Variants in SHANK2 observed in about 807,000 individuals in gnomAD.
SHANK2 encodes the protein SH3 and multiple ankyrin repeat domains protein 2.
Under a neutral mutation model 133.7 loss-of-function variants are expected in SHANK2, and 43 were observed. The ratio of observed to expected loss-of-function variants is 0.32; its 90% CI spans 0.25 to 0.41. The LOEUF is 0.41. SHANK2 is among the 10% of genes least tolerant of loss of function. The probability of loss-of-function intolerance (pLI) is 1.00; values close to 1 mark genes in which losing one functional copy is unlikely to be tolerated. For synonymous variants in SHANK2, 1,017 were observed against 952.8 expected, an observed-to-expected ratio of 1.07 and a Z score of -1.24; for missense variants, 1,994 against 2,235.8, an observed-to-expected ratio of 0.89 and a Z score of 2.18.
chr11:71,118,744 C>G, intron 4 of SHANK2, 85 bp downstream of exon 4: 1 of 1,186,220 alleles, frequency 8.4e-7, no homozygotes, highest in Non-Finnish European at 1.2e-6. Flanking sequence ...GAATTGGTCT[C>G]GCCCCACCAC....
At chr11:71,101,223 A>C (rs1951711964) in intron 6 of SHANK2, among the ~76,000 whole-genome samples, 1 of 152,172 alleles carries the variant, frequency 6.6e-6, no homozygotes, top group Non-Finnish European at 1.5e-5. Context: ...CCCGACCCCA[A>C]GACAGGCTCC....
intron 5 of SHANK2, among the ~76,000 whole-genome samples, chr11:71,111,370 G>A (rs1255172597): frequency 1.3e-5 from 2 of 152,354 alleles, no homozygotes; most frequent in East Asian, 1.9e-4. Context: ...GTGGCTCAAG[G>A]TGAAGTGCGG....
At chr11:70,539,626 C>G (rs1422267664) in intron 17 of SHANK2, among the ~76,000 whole-genome samples, 2 of 129,376 alleles carry the variant, frequency 1.5e-5, no homozygotes, top group African/African-American at 5.4e-5. Context: ...CTCCGGCGCT[C>G]TTATCTACCC....
intron 3 of SHANK2, among the ~76,000 whole-genome samples, chr11:71,124,418 A>G (rs1952143233): frequency 1.3e-5 from 2 of 151,212 alleles, no homozygotes; most frequent in Non-Finnish European, 2.9e-5. Flanking sequence ...AGTGATAATG[A>G]TAACCATGAC....
At chr11:70,923,297 T>C (rs1395803540) in intron 10 of SHANK2, among the ~76,000 whole-genome samples, 5 of 152,106 alleles carry the variant, frequency 3.3e-5, no homozygotes, top group East Asian at 1.9e-4. Flanking sequence ...GGCTGGAATG[T>C]AGTGGTGTGA....
intron 17 of SHANK2, among the ~76,000 whole-genome samples, chr11:70,600,550 G>C (rs1381456672): frequency 3.9e-5 from 6 of 152,126 alleles, no homozygotes; most frequent in Non-Finnish European, 5.9e-5. Context: ...GGGTGGGTTG[G>C]GGGTGAAGGG....
Position 70,599,889 on chromosome 11 carries a change from AAAAG to A in SHANK2, c.2061+59935_2061+59938del, listed in dbSNP as rs375345496. 1.1e-3 allele frequency among the ~76,000 whole-genome samples: 84 copies of A among 73,672 alleles called. 5 individuals carry two copies. The highest frequency in any genetic ancestry group is 8.8e-3 in the East Asian group (17 of 1,940). 48.3% of individuals were successfully genotyped at this position (73,672 alleles called of 152,430 possible). A position where few individuals can be genotyped will look rare whatever the true frequency, so the allele number is the denominator to read the frequency against. ...AAAGAAAGAAAGAAAGAAAGAAAGA[AAAAG>A]AAAGAAAGAAAGAGAAAGAAAGAAA... On this transcript the variant is annotated intron_variant, in intron 17 of 25. Transcript: ENST00000601538.
intron 17 of SHANK2, among the ~76,000 whole-genome samples, chr11:70,632,367 C>T (rs1487151418): frequency 3.3e-5 from 5 of 152,108 alleles, no homozygotes; most frequent in African/African-American, 1.2e-4. Context: ...CCTCGTGATC[C>T]GCCCGCCTCA....
chr11:71,174,362 C>T (rs553056049), intron 2 of SHANK2, among the ~76,000 whole-genome samples: 49 of 152,016 alleles, frequency 3.2e-4, no homozygotes, highest in African/African-American at 1.2e-3. Context: ...AACAGGGCAA[C>T]GTTGTGAGAC....
At chr11:70,930,573 C>T (rs980671979) in intron 10 of SHANK2, among the ~76,000 whole-genome samples, 37 of 152,074 alleles carry the variant, frequency 2.4e-4, no homozygotes, top group Non-Finnish European at 4.6e-4. Context: ...ACTCTCAAGT[C>T]ACTGCCACAT....
intron 6 of SHANK2, among the ~76,000 whole-genome samples, chr11:71,098,834 C>G (rs1951671080): frequency 6.6e-6 from 1 of 152,140 alleles, no homozygotes; most frequent in Admixed American, 6.5e-5. Context: ...GCACCACCCC[C>G]CACCCCGATC....
intron 15 of SHANK2, among the ~76,000 whole-genome samples, chr11:70,680,553 C>A (rs1819044439): frequency 1.3e-5 from 2 of 152,204 alleles, no homozygotes. Flanking sequence ...TGTGATGGCA[C>A]AGGGCCCACC....
rs545866504 is a variant in SHANK2 at position 70,839,430 on chromosome 11, C to T, written c.1175-18748G>A. On this transcript the variant is annotated intron_variant, in intron 11 of 25. Transcript: ENST00000601538. ...CCCAGGTCTGGAGGCAACACACACC[C>T]CCCTGGTAGAGAGGGCGGGTACGTC... Among the ~76,000 whole-genome samples the T allele has an allele frequency of 8.7e-4, 133 of 152,300 alleles. 1 individual carries two copies. Among genetic ancestry groups the T allele is most frequent in the African/African-American group, 2.9e-3 (121 of 41,570 alleles).
Position 70,580,660 on chromosome 11 carries a change from G to A in SHANK2, c.2062-77729C>T, listed in dbSNP as rs782705117. Among the ~76,000 whole-genome samples, 26 of 152,322 alleles carry A rather than the reference G, an allele frequency of 1.7e-4. No homozygotes were observed. In the East Asian group the frequency reaches 3.9e-3, roughly 23 times the overall value. ...ACAGCGCCGTGGCACTGGCTCAGCG[G>A]TTACAGGAGCCACTTCCTCCCACTC... is the stretch of plus-strand genomic sequence containing the variant. On this transcript the variant is annotated intron_variant, in intron 17 of 25. Transcript: ENST00000601538.
At chr11:70,759,346 G>T (rs144834893) in intron 14 of SHANK2, among the ~76,000 whole-genome samples, 34 of 151,866 alleles carry the variant, frequency 2.2e-4, no homozygotes, top group Non-Finnish European at 1.0e-4. Flanking sequence ...TTAGCCGGGC[G>T]TGGTGGCAGG....
At chr11:70,932,021 C>A (rs912896183) in intron 10 of SHANK2, among the ~76,000 whole-genome samples, 4 of 152,208 alleles carry the variant, frequency 2.6e-5, no homozygotes, top group Non-Finnish European at 4.4e-5. Flanking sequence ...TAAGCCCACT[C>A]TAAACTTCTT....
rs1184664400 is a variant in SHANK2 at position 70,569,116 on chromosome 11, C to T, written c.2062-66185G>A. ...GGAAAGCGAATCTGCCTTGACTTGT[C>T]CTGGATTCTGCAGGAAGGCCCCACC... On this transcript the variant is annotated intron_variant, in intron 17 of 25. Transcript: ENST00000601538. This position sits in a 1 kb window ranked among gnomAD's most constrained non-coding sequence, Gnocchi z 5.1. Among the ~76,000 whole-genome samples the T allele has an allele frequency of 4.6e-5, 7 of 152,208 alleles. No individual in the cohort carries two copies. Among genetic ancestry groups the T allele is most frequent in the Admixed American group, 1.3e-4 (2 of 15,284 alleles).
chr11:70,863,408 A>T (rs903199895), intron 11 of SHANK2: 4 of 457,814 alleles, frequency 8.7e-6, no homozygotes, highest in Non-Finnish European at 1.8e-5. Flanking sequence ...ACGAGCCCCA[A>T]GCATCCTCTG....
chr11:70,518,294 G>A (rs1215443214), intron 17 of SHANK2, among the ~76,000 whole-genome samples: 1 of 152,160 alleles, frequency 6.6e-6, no homozygotes, highest in Non-Finnish European at 1.5e-5. Flanking sequence ...TCGAGCCTGG[G>A]AGATTAGCTG....
Sources: allele counts gnomAD v4.1 joint callset (sites outside exome capture counted in the v4.1 genomes callset), GRCh38; gene constraint gnomAD v4.1.1; non-coding constraint Gnocchi (gnomAD v3.1); transcripts MANE v1.5; gene names NCBI Gene and HGNC (gene_info 2026-07-23, HGNC 2026-07-21).